Variants in MEIS1 observed in about 807,000 individuals in gnomAD.
The protein encoded by MEIS1 is homeobox protein Meis1.
In MEIS1, 5 loss-of-function variants were observed where a neutral mutation model predicts 50.8. That is an observed-to-expected ratio of 0.10 (90% CI 0.05 to 0.21). MEIS1 has a LOEUF of 0.21. Ranked by LOEUF, MEIS1 falls within the 10% of genes least tolerant of loss-of-function variation. The pLI, the probability that MEIS1 is intolerant of heterozygous loss-of-function variation, is 1.00. For missense variants in MEIS1, 318 were observed against 517.3 expected (o/e 0.61, Z 3.74); for synonymous variants, 176 against 179.3 (o/e 0.98, Z 0.15).
intron 6 of MEIS1, among the ~76,000 whole-genome samples, chr2:66,453,715 C>T (rs1573135263): frequency 6.6e-6 from 1 of 151,794 alleles, no homozygotes; most frequent in Admixed American, 6.6e-5. Flanking sequence ...AGAAGATACC[C>T]TATTAATAAT....
At chr2:66,538,424 T>G (rs1674570601) in intron 8 of MEIS1, among the ~76,000 whole-genome samples, 4 of 152,142 alleles carry the variant, frequency 2.6e-5, no homozygotes, top group Admixed American at 2.6e-4. Context: ...GTCAGGTAAA[T>G]AAAGTGAGCA....
intron 7 of MEIS1, among the ~76,000 whole-genome samples, chr2:66,495,768 C>T (rs1475793144): frequency 6.6e-6 from 1 of 152,192 alleles, no homozygotes; most frequent in Non-Finnish European, 1.5e-5. Context: ...AACACCCCCA[C>T]TGTTAAGAGT....
In MEIS1 at chr2:66,548,395, T is replaced by A. The variant is rs1384699351; in HGVS notation, c.965+376T>A. The stretch of plus-strand genomic sequence containing the variant: ...AAGAAAATCCACCATCACATATCAG[T>A]CAGGTTTAAATTCATTGAATAACTA... On this transcript the variant is annotated intron_variant, in intron 9 of 12. Coordinates refer to ENST00000272369, the MANE Select transcript of MEIS1 (RefSeq NM_002398.3). Among the ~76,000 whole-genome samples, 4 of 152,150 alleles carry A rather than the reference T, an allele frequency of 2.6e-5. No individual in the cohort carries two copies. The East Asian group carries it at 5.8e-4, about 22-fold the overall frequency.
At chr2:66,549,340 G>A (rs936475559) in intron 9 of MEIS1, among the ~76,000 whole-genome samples, 1 of 151,908 alleles carries the variant, frequency 6.6e-6, no homozygotes, top group Non-Finnish European at 1.5e-5. Context: ...ATCAGTGGAT[G>A]GTAAACCAAG....
At chr2:66,525,865 T>C (rs1674237913) in intron 8 of MEIS1, among the ~76,000 whole-genome samples, 1 of 152,212 alleles carries the variant, frequency 6.6e-6, no homozygotes, top group South Asian at 2.1e-4. Flanking sequence ...GAGGGCAGTG[T>C]GTGTGGCATG....
chr2:66,554,893 A>G (rs1443088069), intron 9 of MEIS1, among the ~76,000 whole-genome samples: 1 of 152,244 alleles, frequency 6.6e-6, no homozygotes, highest in East Asian at 1.9e-4. Context: ...ATGAAATTAA[A>G]CATTATCACA....
rs554064544 is a variant in MEIS1 at position 66,435,693 on chromosome 2, T to C, written c.-164T>C. The C allele has an allele frequency of 5.0e-4, 299 of 601,114 alleles. No homozygotes were observed. In the African/African-American group the frequency reaches 5.6e-3, roughly 11 times the overall value. 37.2% of individuals were successfully genotyped at this position (601,114 alleles called of 1,614,324 possible). On this transcript the variant is annotated 5_prime_UTR_variant, in exon 1 of 13. Transcript: ENST00000272369. ...CTTCAGGTCCCGTAGACCGAAGATC[T>C]GGGACCAGTAGCTCACGTTGCTGGA... is the stretch of plus-strand genomic sequence containing the variant.
chr2:66,469,918 C>G (rs999734880), intron 7 of MEIS1, among the ~76,000 whole-genome samples: 5 of 148,420 alleles, frequency 3.4e-5, no homozygotes, highest in African/African-American at 1.3e-4. Flanking sequence ...CTGCTTGTTT[C>G]TAGACAATTT....
At chr2:66,532,005 T>G (rs1285055247) in intron 8 of MEIS1, among the ~76,000 whole-genome samples, 1 of 152,208 alleles carries the variant, frequency 6.6e-6, no homozygotes, top group Non-Finnish European at 1.5e-5. Flanking sequence ...CCAGATGTCC[T>G]TTGCATGTAT....
chr2:66,506,519 C>G (rs1471731241), intron 7 of MEIS1, among the ~76,000 whole-genome samples: 1 of 152,076 alleles, frequency 6.6e-6, no homozygotes, highest in African/African-American at 2.4e-5. Flanking sequence ...TGGAAAAACA[C>G]CCAGGAGAGA....
intron 6 of MEIS1, among the ~76,000 whole-genome samples, chr2:66,455,526 T>C (rs1672368277): frequency 6.6e-6 from 1 of 152,200 alleles, no homozygotes; most frequent in Non-Finnish European, 1.5e-5. Context: ...ACTTGTAATT[T>C]ATTGGGTAAA....
intron 8 of MEIS1, among the ~76,000 whole-genome samples, chr2:66,538,872 A>G (rs1250066586): frequency 6.6e-6 from 1 of 151,930 alleles, no homozygotes; most frequent in Non-Finnish European, 1.5e-5. Context: ...ATGATCCTTA[A>G]AAGAGTTTTT....
intron 12 of MEIS1, chr2:66,571,005 A>T: frequency 2.2e-6 from 1 of 463,602 alleles, no homozygotes; most frequent in Non-Finnish European, 3.8e-6. Context: ...TTAATAAATA[A>T]GACCTCAGTA....
At chr2:66,501,115 G>C (rs1673544079) in intron 7 of MEIS1, among the ~76,000 whole-genome samples, 1 of 151,926 alleles carries the variant, frequency 6.6e-6, no homozygotes, top group African/African-American at 2.4e-5. Flanking sequence ...ATGTATTTTG[G>C]GGAGCATATT....
In MEIS1 at chr2:66,481,452, A is replaced by G. The variant is rs141456879; in HGVS notation, c.742+17232A>G. Among the ~76,000 whole-genome samples the G allele has an allele frequency of 3.5e-3, 532 of 152,318 alleles. 5 individuals carry two copies. Among genetic ancestry groups the G allele is most frequent in the African/African-American group, 0.012 (484 of 41,568 alleles). Reference sequence around the variant, plus strand: ...TCTGGACTTATCTGGGTTGAGCTTCAGCCAGCTAAAGCTAATCCAGGTTCC... The same window carrying G: ...TCTGGACTTATCTGGGTTGAGCTTCGGCCAGCTAAAGCTAATCCAGGTTCC... On this transcript the variant is annotated intron_variant, in intron 7 of 12. Transcript: ENST00000272369.
chr2:66,540,010 G>C (rs1056413649), intron 8 of MEIS1, among the ~76,000 whole-genome samples: 1 of 152,170 alleles, frequency 6.6e-6, no homozygotes, highest in Middle Eastern at 3.2e-3. Context: ...ATGGCAGTGG[G>C]AGTGTAGCCA....
chr2:66,443,630 C>T (rs1231777793), intron 6 of MEIS1: 1 of 152,454 alleles, frequency 6.6e-6, no homozygotes, highest in African/African-American at 2.4e-5. Flanking sequence ...TGCAAGCTCA[C>T]CCATTTTATT....
In MEIS1 at chr2:66,441,410, G is replaced by A; in HGVS notation, c.433-4G>A. The A allele has an allele frequency of 6.5e-7, 1 of 1,541,832 alleles. No individual in the cohort carries two copies. The highest frequency in any genetic ancestry group is 1.3e-5 in the South Asian group (1 of 79,068). ...GGGTGCTTATTGTTTTTGTATCTTT[G>A]CAGATGATTCAAGCCATACAAGTAT... On this transcript the variant is annotated splice_polypyrimidine_tract_variant and splice_region_variant and intron_variant, in intron 4 of 12. Transcript: ENST00000272369.
chr2:66,473,735 G>A (rs934443749), intron 7 of MEIS1, among the ~76,000 whole-genome samples: 23 of 152,132 alleles, frequency 1.5e-4, no homozygotes, highest in African/African-American at 5.5e-4. Flanking sequence ...GATCTCCCTT[G>A]AGGAGGTGTC....
Sources: gnomAD v4.1 joint callset for allele counts (sites outside exome capture counted in the v4.1 genomes callset) on GRCh38, gnomAD v4.1.1 for gene constraint, MANE v1.5 for transcripts, NCBI Gene and HGNC (gene_info 2026-07-23, HGNC 2026-07-21) for gene names.